CNOT4: variants seen among roughly 807,000 people sequenced by gnomAD.
CNOT4 encodes CCR4-associated factor 4.
CNOT4 carries 8 observed loss-of-function variants against 73.8 expected under a neutral mutation model. That is an observed-to-expected ratio of 0.11 (90% confidence interval 0.06 to 0.20). The LOEUF is 0.20. Ranked by LOEUF, CNOT4 falls within the 10% of genes least tolerant of loss-of-function variation. The pLI is 1.00. For missense variants in CNOT4, 564 were observed against 883.4 expected (o/e 0.64, Z 4.58); for synonymous variants, 293 against 321.1 (o/e 0.91, Z 0.94).
chr7:135,370,149 C>T (rs1050509106), intron 10 of CNOT4, among the ~76,000 whole-genome samples: 1 of 152,186 alleles, frequency 6.6e-6, no homozygotes, highest in African/African-American at 2.4e-5. Context: ...CACACCAATA[C>T]TCCACTAGGT....
At chr7:135,384,749 C>T (rs531847108) in intron 10 of CNOT4, 5 of 764,710 alleles carry the variant, frequency 6.5e-6, no homozygotes, top group South Asian at 5.4e-5. Context: ...TATTTAGGTT[C>T]TTCTTCTCCC....
intron 1 of CNOT4, among the ~76,000 whole-genome samples, chr7:135,453,823 A>T (rs1275339647): frequency 8.1e-5 from 6 of 73,786 alleles, no homozygotes; most frequent in Admixed American, 4.7e-4. Context: ...AAATATATAT[A>T]TTTTATATAT....
At chr7:135,388,220 GAACAA>G (rs1439394329) in intron 10 of CNOT4, 42 of 984,956 alleles carry the variant, frequency 4.3e-5, no homozygotes, top group South Asian at 4.7e-5. Flanking sequence ...AAAAGAGAGA[GAACAA>G]AACAGTTTCT....
intron 1 of CNOT4, among the ~76,000 whole-genome samples, chr7:135,440,437 G>A (rs1799409767): frequency 6.6e-6 from 1 of 151,622 alleles, no homozygotes; most frequent in Non-Finnish European, 1.5e-5. Context: ...AGAGGAAATG[G>A]GAACACATTA....
At chr7:135,376,088 A>G (rs1367659991) in intron 10 of CNOT4, among the ~76,000 whole-genome samples, 2 of 152,166 alleles carry the variant, frequency 1.3e-5, no homozygotes, top group East Asian at 3.8e-4. Flanking sequence ...GTAGGGGGGA[A>G]AATCTTAACA....
At chr7:135,444,995 T>A in intron 1 of CNOT4, 2 of 854,120 alleles carry the variant, frequency 2.3e-6, no homozygotes, top group Non-Finnish European at 2.0e-6. Context: ...TGTCATGCCA[T>A]TAAGCTCACA....
chr7:135,396,117 T>TA (rs1796673646), intron 8 of CNOT4, among the ~76,000 whole-genome samples: 1 of 78,302 alleles, frequency 1.3e-5, no homozygotes, highest in African/African-American at 3.9e-5. Context: ...CTTTTTTTTT[T>TA]TTTTTTTTTT....
At chr7:135,409,774 A>G (rs1797494346) in intron 7 of CNOT4, among the ~76,000 whole-genome samples, 2 of 152,156 alleles carry the variant, frequency 1.3e-5, no homozygotes, top group South Asian at 4.1e-4. Flanking sequence ...ATAAAAAAGA[A>G]CAAAAAACCT....
chr7:135,393,830 C>CT (rs1352891225), intron 10 of CNOT4, 88 bp downstream of exon 10: 13 of 831,126 alleles, frequency 1.6e-5, no homozygotes, highest in Admixed American at 2.3e-5. Flanking sequence ...TATTAGTACT[C>CT]TGTTATTCAA....
In CNOT4 at chr7:135,457,424, A is replaced by G. The variant is rs554694531; in HGVS notation, c.-92-19001T>C. Reference sequence around the variant, plus strand: ...CACCAATGCATGCTTTTGTGGAAAGAAGCATTCTCTATGATACACAGTATC... The same window carrying G: ...CACCAATGCATGCTTTTGTGGAAAGGAGCATTCTCTATGATACACAGTATC... On this transcript the variant is annotated intron_variant, in intron 1 of 11. Coordinates refer to ENST00000541284, the MANE Select transcript of CNOT4 (RefSeq NM_001190850.2). Among the ~76,000 whole-genome samples the G allele has an allele frequency of 5.9e-5, 9 of 152,222 alleles. No homozygotes were observed. The South Asian group carries it at 1.9e-3, about 32-fold the overall frequency.
chr7:135,363,146 T>C lies in CNOT4; in HGVS notation c.1881A>G (p.Gln627=), dbSNP rs753423491. ...ASSGNSLDSL[Q]DDNPPHWLKS... ...TTAGCCAGTGTGGAGGATTGTCATC[T>C]TGAAGAGAGTCTAAACTGTTTCCTG... Residue 627 remains glutamine (Q), a synonymous_variant, in exon 12 of 12, where the codon CAA becomes CAG. Coordinates refer to ENST00000541284, the MANE Select transcript of CNOT4 (RefSeq NM_001190850.2). This position sits in a 1 kb window ranked among gnomAD's most constrained non-coding sequence, Gnocchi z 4.3. 1 of 1,613,792 alleles carries C rather than the reference T, an allele frequency of 6.2e-7. No homozygotes were observed. The highest frequency in any genetic ancestry group is 1.1e-5 in the South Asian group (1 of 91,078).
chr7:135,445,719 T>A (rs187553714), intron 1 of CNOT4, among the ~76,000 whole-genome samples: 36 of 152,310 alleles, frequency 2.4e-4, no homozygotes, highest in African/African-American at 7.2e-4. Flanking sequence ...ATAATTTTTT[T>A]AAATAAAATG....
intron 1 of CNOT4, among the ~76,000 whole-genome samples, chr7:135,448,541 AAGGG>A (rs574926045): frequency 2.8e-4 from 39 of 140,530 alleles, no homozygotes; most frequent in East Asian, 2.7e-3. Flanking sequence ...AAGAAAAAAA[AAGGG>A]AGGGAGGGAG....
chr7:135,404,613 T>C (rs749395062), intron 7 of CNOT4, among the ~76,000 whole-genome samples: 3 of 152,172 alleles, frequency 2.0e-5, no homozygotes, highest in Non-Finnish European at 4.4e-5. Flanking sequence ...ATTATGAGAA[T>C]GGAATTCATG....
At chr7:135,405,323 C>A (rs944940699) in intron 7 of CNOT4, among the ~76,000 whole-genome samples, 5 of 152,256 alleles carry the variant, frequency 3.3e-5, no homozygotes, top group African/African-American at 1.2e-4. Flanking sequence ...CTTGTTTCAG[C>A]CACAATATCA....
At chr7:135,464,555 A>AGGAG (rs1801102940) in intron 1 of CNOT4, among the ~76,000 whole-genome samples, 1 of 152,092 alleles carries the variant, frequency 6.6e-6, no homozygotes, top group Admixed American at 6.6e-5. Flanking sequence ...GGAGGGTGGA[A>AGGAG]GGAGGGAGAG....
intron 1 of CNOT4, among the ~76,000 whole-genome samples, chr7:135,503,068 G>A (rs765643462): frequency 1.3e-4 from 20 of 152,080 alleles, no homozygotes; most frequent in African/African-American, 2.7e-4. Flanking sequence ...CAGGAGAACC[G>A]CTTGAACCCA....
chr7:135,362,748 T>C lies in CNOT4; in HGVS notation c.*137A>G. 2.4e-6 allele frequency: 2 copies of C among 842,724 alleles called. No individual in the cohort carries two copies. Among genetic ancestry groups the C allele is most frequent in the Non-Finnish European group, 4.1e-6 (2 of 485,738 alleles). The allele number at this position is 842,724 out of a possible 1,614,324, so 52.2% of individuals were successfully genotyped here. ...CCCTGTGATCGCATTGCATCTGGGG[T>C]TAGGGAGAAAAAAAATTGATCAGGT... On this transcript the variant is annotated 3_prime_UTR_variant, in exon 12 of 12. Coordinates refer to ENST00000541284, the MANE Select transcript of CNOT4 (RefSeq NM_001190850.2).
chr7:135,479,709 C>T (rs1162749657), intron 1 of CNOT4, among the ~76,000 whole-genome samples: 1 of 151,644 alleles, frequency 6.6e-6, no homozygotes, highest in African/African-American at 2.4e-5. Context: ...ATCAGCCTGG[C>T]AACATGGAGA....
Sources: gnomAD v4.1 joint callset for allele counts (sites outside exome capture counted in the v4.1 genomes callset) on GRCh38, gnomAD v4.1.1 for gene constraint, Gnocchi (gnomAD v3.1) non-coding constraint, MANE v1.5 for transcripts, NCBI Gene and HGNC (gene_info 2026-07-23, HGNC 2026-07-21) for gene names.